Variants in ZNF326 observed in about 807,000 individuals in gnomAD.
ZNF326 encodes the protein zinc finger protein 326.
In ZNF326, 30 loss-of-function variants were observed where a neutral mutation model predicts 63.1. That is an observed-to-expected ratio of 0.48 (90% CI 0.36 to 0.64). The LOEUF (loss-of-function observed/expected upper bound fraction) is 0.64, where lower values mean the gene tolerates loss of function less well. ZNF326 is among the 30% of genes least tolerant of loss of function. The pLI is 0.00. For synonymous variants in ZNF326, 194 were observed against 228.2 expected (o/e 0.85, Z 1.35); for missense variants, 609 against 720.3 (o/e 0.85, Z 1.77).
chr1:90,027,676 C>G lies in ZNF326; in HGVS notation c.1724C>G (p.Pro575Arg). 6 of 1,613,906 alleles carry G rather than the reference C, an allele frequency of 3.7e-6. No individual in the cohort carries two copies. Among genetic ancestry groups the G allele is most frequent in the Non-Finnish European group, 5.1e-6 (6 of 1,179,962 alleles). The change falls in exon 12 of 12, where the codon CCT becomes CGT. Residue 575 changes from proline (P) to arginine (R), a missense_variant. By Grantham distance (103) the Pro-to-Arg change is moderately radical. Transcript: ENST00000340281. ...GCAAAGGAAGAACCTGCTGACTTCC[C>G]TGTTGAGCAACCTGAAGAAAATTAA... ...ETAKEEPADF[P>R]VEQPEEN
chr1:89,995,164 C>G lies in ZNF326; in HGVS notation c.-94C>G. 6.9e-7 allele frequency: 1 copy of G among 1,440,720 alleles called. No homozygotes were observed. 89.2% of individuals were successfully genotyped at this position (1,440,720 alleles called of 1,614,324 possible). A position where few individuals can be genotyped will look rare whatever the true frequency, so the allele number is the denominator to read the frequency against. On this transcript the variant is annotated 5_prime_UTR_variant, in exon 1 of 12. Transcript: ENST00000340281. ...TGGTAGCGCGCCGCTCTCGGTCGCG[C>G]GGAGTGATCGTGTGGAATCGCGGGT...
chr1:90,005,624 T>G, intron 4 of ZNF326: 1 of 940,912 alleles, frequency 1.1e-6, no homozygotes, highest in Non-Finnish European at 1.3e-6. Context: ...AAATCTTTTC[T>G]AATGTGGGGT....
rs761061308 is a variant in ZNF326 at position 90,007,545 on chromosome 1, C to T, written c.410C>T (p.Ser137Phe). Residue 137 changes from serine to phenylalanine, a missense_variant, in exon 5 of 12, where the codon TCC becomes TTC. Coordinates refer to ENST00000340281, the MANE Select transcript of ZNF326 (RefSeq NM_182976.4). This position sits in a 1 kb window ranked among gnomAD's most constrained non-coding sequence, Gnocchi z 4.9. ...GGGTCTAGCTGGGAAGCACCTTACT[C>T]CCGTTCAAAATTGAGGCCTGGGTTT... ...QGGSSWEAPY[S>F]RSKLRPGFME... The T allele has an allele frequency of 9.9e-6, 16 of 1,613,910 alleles. No homozygotes were observed. The highest frequency in any genetic ancestry group is 1.4e-5 in the Non-Finnish European group (16 of 1,179,952).
intron 5 of ZNF326, among the ~76,000 whole-genome samples, chr1:90,008,459 T>C (rs1649091504): frequency 6.6e-6 from 1 of 152,236 alleles, no homozygotes; most frequent in East Asian, 1.9e-4. Flanking sequence ...TTGTAAATTA[T>C]TGCTTAAATG....
intron 1 of ZNF326, among the ~76,000 whole-genome samples, chr1:89,995,799 T>G (rs895418535): frequency 6.6e-6 from 1 of 152,272 alleles, no homozygotes; most frequent in Non-Finnish European, 1.5e-5. Context: ...GTAAGTGATA[T>G]GTATAGATAA....
chr1:90,002,763 T>C (rs953603906), intron 2 of ZNF326, among the ~76,000 whole-genome samples: 1 of 152,206 alleles, frequency 6.6e-6, no homozygotes, highest in African/African-American at 2.4e-5. Flanking sequence ...TCTCCATATG[T>C]TTTGTATATT....
chr1:90,018,671 A>AT lies in ZNF326; in HGVS notation c.1075-10dup. The AT allele has an allele frequency of 6.7e-7, 1 of 1,492,474 alleles. No individual in the cohort carries two copies. Among genetic ancestry groups the AT allele is most frequent in the Non-Finnish European group, 9.2e-7 (1 of 1,092,774 alleles). 92.5% of individuals were successfully genotyped at this position (1,492,474 alleles called of 1,614,324 possible). On this transcript the variant is annotated splice_polypyrimidine_tract_variant and intron_variant, in intron 8 of 11. Coordinates refer to ENST00000340281, the MANE Select transcript of ZNF326 (RefSeq NM_182976.4). ...ATTGAAAGCTATTTAGATTCTTTCT[A>AT]TTTTGTTTTCTAGGAGTGTATGGTG... is the stretch of plus-strand genomic sequence containing the variant.
intron 7 of ZNF326, 148 bp from the exon 8 acceptor site, chr1:90,017,169 T>C: frequency 1.6e-6 from 1 of 624,902 alleles, no homozygotes; most frequent in Non-Finnish European, 2.6e-6. Context: ...ACTGTTTTTT[T>C]TGGATTTAAG....
chr1:90,003,781 G>C (rs978366833), intron 2 of ZNF326, among the ~76,000 whole-genome samples: 2 of 152,176 alleles, frequency 1.3e-5, no homozygotes, highest in African/African-American at 4.8e-5. Flanking sequence ...CAGTTCCCCA[G>C]ATCTATAAAA....
At chr1:90,024,092 T>C (rs1028445258) in intron 11 of ZNF326, among the ~76,000 whole-genome samples, 5 of 152,212 alleles carry the variant, frequency 3.3e-5, no homozygotes, top group African/African-American at 1.2e-4. Context: ...CTGTGTTCCC[T>C]GTTGTCATTC....
At chr1:90,006,066 T>C (rs537438042) in intron 4 of ZNF326, 1 of 985,440 alleles carries the variant, frequency 1.0e-6, no homozygotes, top group South Asian at 4.7e-5. Context: ...TCCTTCTGCA[T>C]AAATTGAAGG....
chr1:89,998,351 A>AT (rs199584280), intron 2 of ZNF326, among the ~76,000 whole-genome samples, 197 bp downstream of exon 2: 3,115 of 149,178 alleles, frequency 0.021, 82 homozygotes, highest in East Asian at 0.068. Context: ...CATTAGTTTG[A>AT]TTTTTTTTTT....
At chr1:90,005,362 A>ATCACCTTAAATATTTAAAGGTGTTAAT in intron 4 of ZNF326, 118 bp downstream of exon 4, 1 of 1,442,646 alleles carries the variant, frequency 6.9e-7, no homozygotes, top group South Asian at 1.6e-5. Context: ...CTATTGAATC[A>ATCACCTTAAATATTTAAAGGTGTTAAT]TCACCTTAAA....
intron 7 of ZNF326, among the ~76,000 whole-genome samples, chr1:90,014,729 C>T (rs978040203): frequency 3.3e-5 from 5 of 152,154 alleles, no homozygotes; most frequent in Admixed American, 2.0e-4. Context: ...GTTCTAGTTT[C>T]AAGAACTACT....
chr1:90,006,193 T>C (rs1648976414), intron 4 of ZNF326: 1 of 985,348 alleles, frequency 1.0e-6, no homozygotes, highest in Non-Finnish European at 1.2e-6. Flanking sequence ...GCAACTATTT[T>C]GCTTATGTGA....
At chr1:90,006,755 C>A (rs1034479544) in intron 4 of ZNF326, among the ~76,000 whole-genome samples, 7 of 152,082 alleles carry the variant, frequency 4.6e-5, no homozygotes, top group Non-Finnish European at 7.4e-5. Flanking sequence ...GATTAATTGA[C>A]CTTGGCTGAA....
Position 90,002,863 on chromosome 1 carries a change from C to T in ZNF326, c.62-2140C>T, listed in dbSNP as rs141286100. On this transcript the variant is annotated intron_variant, in intron 2 of 11. Transcript: ENST00000340281. ...TTTACCATATATTATTTTGTAATAT[C>T]GGCATTATTTGGAAAATACTAGTTT... 1.3e-4 allele frequency among the ~76,000 whole-genome samples: 20 copies of T among 152,124 alleles called. No individual in the cohort carries two copies. In the East Asian group the frequency reaches 2.7e-3, roughly 21 times the overall value.
chr1:90,003,077 G>A (rs1648768543), intron 2 of ZNF326, among the ~76,000 whole-genome samples: 1 of 151,262 alleles, frequency 6.6e-6, no homozygotes, highest in Non-Finnish European at 1.5e-5. Context: ...TTTTATCCTT[G>A]ACAACAAATA....
intron 9 of ZNF326, 143 bp downstream of exon 9, chr1:90,018,927 T>A (rs920868878): frequency 2.6e-6 from 1 of 386,146 alleles, no homozygotes; most frequent in African/African-American, 2.1e-5. Context: ...GAAATGAACT[T>A]CTTTGTCTTC....
Sources: gnomAD v4.1 joint callset for allele counts (sites outside exome capture counted in the v4.1 genomes callset) on GRCh38, gnomAD v4.1.1 for gene constraint, Gnocchi (gnomAD v3.1) non-coding constraint, MANE v1.5 for transcripts, NCBI Gene and HGNC (gene_info 2026-07-23, HGNC 2026-07-21) for gene names.